ASTN2: variants seen among roughly 807,000 people sequenced by gnomAD.
ASTN2 encodes astrotactin 2, also known as astrotactin-2.
A neutral mutation model predicts 139.8 loss-of-function variants in ASTN2; 54 were observed. That is an observed-to-expected ratio of 0.39 (90% CI 0.31 to 0.48). The LOEUF is 0.48. Ranked by LOEUF, ASTN2 falls within the 20% of genes least tolerant of loss-of-function variation. The pLI is 0.95. For synonymous variants in ASTN2, 756 were observed against 719.5 expected (o/e 1.05, Z -0.81); for missense variants, 1,565 against 1,725.1 (o/e 0.91, Z 1.64).
At chr9:116,507,323 T>G (rs765693414) in intron 19 of ASTN2, among the ~76,000 whole-genome samples, 9 of 152,162 alleles carry the variant, frequency 5.9e-5, no homozygotes, top group Non-Finnish European at 1.3e-4. Context: ...TAAAGACCAA[T>G]TAAGTGAATC....
intron 13 of ASTN2, among the ~76,000 whole-genome samples, chr9:116,738,821 G>A (rs1829015398): frequency 6.6e-6 from 1 of 152,202 alleles, no homozygotes; most frequent in Non-Finnish European, 1.5e-5. Flanking sequence ...CACGCAGTAA[G>A]TACATGCTCA....
chr9:117,213,087 G>T (rs1215924577), intron 3 of ASTN2, among the ~76,000 whole-genome samples: 1 of 152,114 alleles, frequency 6.6e-6, no homozygotes, highest in African/African-American at 2.4e-5. Flanking sequence ...ATACACAATG[G>T]AATACATTCA....
At chr9:116,767,130 A>G (rs1829832850) in intron 13 of ASTN2, among the ~76,000 whole-genome samples, 1 of 146,932 alleles carries the variant, frequency 6.8e-6, no homozygotes, top group African/African-American at 2.5e-5. Flanking sequence ...AAATACACAT[A>G]TAAGAACACA....
intron 1 of ASTN2, among the ~76,000 whole-genome samples, chr9:117,386,481 T>C (rs1830403756): frequency 6.6e-6 from 1 of 152,148 alleles, no homozygotes; most frequent in Non-Finnish European, 1.5e-5. Context: ...TAACCTCAGC[T>C]GATCAGCCTT....
At chr9:116,784,528 G>C (rs1220097597) in intron 13 of ASTN2, among the ~76,000 whole-genome samples, 1 of 152,142 alleles carries the variant, frequency 6.6e-6, no homozygotes, top group East Asian at 1.9e-4. Flanking sequence ...CTTTAACATG[G>C]GCATGTTTTC....
chr9:116,463,062 C>T (rs1848541587), intron 20 of ASTN2, among the ~76,000 whole-genome samples: 1 of 152,016 alleles, frequency 6.6e-6, no homozygotes, highest in African/African-American at 2.4e-5. Flanking sequence ...CCAACCCTTC[C>T]CTCTGTCTCA....
intron 2 of ASTN2, among the ~76,000 whole-genome samples, chr9:117,222,835 T>C (rs899310106): frequency 6.6e-6 from 1 of 152,054 alleles, no homozygotes; most frequent in African/African-American, 2.4e-5. Flanking sequence ...TGATGCTCTT[T>C]ACTTAGCTGC....
intron 16 of ASTN2, among the ~76,000 whole-genome samples, chr9:116,723,967 C>CT (rs375467231): frequency 1.3e-5 from 2 of 151,650 alleles, no homozygotes; most frequent in Non-Finnish European, 2.9e-5. Context: ...TCTTTCTTCC[C>CT]CTCTCCCATC....
chr9:117,064,545 G>A (rs1388137406), intron 5 of ASTN2, among the ~76,000 whole-genome samples: 2 of 152,066 alleles, frequency 1.3e-5, no homozygotes, highest in Middle Eastern at 3.2e-3. Flanking sequence ...ATGAAATAAC[G>A]CAGAAATAGA....
At chr9:116,766,394 C>A (rs1829808267) in intron 13 of ASTN2, among the ~76,000 whole-genome samples, 1 of 151,920 alleles carries the variant, frequency 6.6e-6, no homozygotes, top group East Asian at 1.9e-4. Flanking sequence ...TGCCCTCACA[C>A]AATTCACACT....
intron 17 of ASTN2, among the ~76,000 whole-genome samples, chr9:116,625,074 T>G (rs1856374992): frequency 1.3e-5 from 2 of 152,310 alleles, no homozygotes; most frequent in Middle Eastern, 3.4e-3. Flanking sequence ...GTATCTCCCA[T>G]GTCAGTTTGG....
intron 11 of ASTN2, among the ~76,000 whole-genome samples, chr9:116,862,983 G>A (rs996177380): frequency 2.0e-5 from 3 of 151,978 alleles, no homozygotes; most frequent in African/African-American, 4.8e-5. Context: ...GAACCCTCCC[G>A]CATCTTCTTG....
chr9:116,537,013 G>T (rs542360444), intron 19 of ASTN2, among the ~76,000 whole-genome samples: 1 of 152,230 alleles, frequency 6.6e-6, no homozygotes, highest in Admixed American at 6.5e-5. Flanking sequence ...CCCCTTTTGA[G>T]CTTCCTGGCC....
At chr9:117,078,442 A>G (rs1315569550) in intron 5 of ASTN2, among the ~76,000 whole-genome samples, 2 of 152,190 alleles carry the variant, frequency 1.3e-5, no homozygotes, top group Non-Finnish European at 2.9e-5. Flanking sequence ...CCATGGACAT[A>G]TGACTCACAC....
chr9:117,390,274 G>A (rs1830508334), intron 1 of ASTN2, among the ~76,000 whole-genome samples: 1 of 152,148 alleles, frequency 6.6e-6, no homozygotes, highest in Non-Finnish European at 1.5e-5. Context: ...TCCACAAACA[G>A]TCGTCCCTAT....
chr9:117,164,692 G>T (rs952285112), intron 3 of ASTN2, among the ~76,000 whole-genome samples: 9 of 152,030 alleles, frequency 5.9e-5, no homozygotes, highest in African/African-American at 2.2e-4. Context: ...TAAAGATAGG[G>T]ATCTCTGACT....
chr9:117,337,973 A>G (rs1649643106), intron 1 of ASTN2, among the ~76,000 whole-genome samples: 1 of 152,190 alleles, frequency 6.6e-6, no homozygotes, highest in Admixed American at 6.5e-5. Context: ...AGTGCTACCA[A>G]GAATCTGTAT....
chr9:116,954,523 A>G (rs1243910810), intron 10 of ASTN2, among the ~76,000 whole-genome samples: 1 of 152,212 alleles, frequency 6.6e-6, no homozygotes, highest in Non-Finnish European at 1.5e-5. Flanking sequence ...GCCAGATGGT[A>G]AATATTTCAG....
chr9:117,044,964 A>G (rs1838688902), intron 5 of ASTN2, among the ~76,000 whole-genome samples: 1 of 152,146 alleles, frequency 6.6e-6, no homozygotes, highest in Admixed American at 6.5e-5. Context: ...CCAATTTTGT[A>G]TGTTACAGAG....
Sources: allele counts gnomAD v4.1 joint callset (sites outside exome capture counted in the v4.1 genomes callset), GRCh38; gene constraint gnomAD v4.1.1; transcripts MANE v1.5; gene names NCBI Gene and HGNC (gene_info 2026-07-23, HGNC 2026-07-21).